Variants in TBCK observed in about 807,000 individuals in gnomAD.
TBCK encodes TBC domain-containing protein kinase-like protein.
Under a neutral mutation model 113.4 loss-of-function variants are expected in TBCK, and 99 were observed. That is an observed-to-expected ratio of 0.87 (90% CI 0.74 to 1.03). The LOEUF (loss-of-function observed/expected upper bound fraction) is 1.03. Ranked by LOEUF, TBCK falls within the 50% of genes least tolerant of loss-of-function variation. The pLI is 0.00. For synonymous variants in TBCK, 369 were observed against 370.8 expected (o/e 1.00, Z 0.05); for missense variants, 1,045 against 1,061.3 (o/e 0.98, Z 0.21).
chr4:106,179,195 C>CT (rs1391798926), intron 22 of TBCK, among the ~76,000 whole-genome samples: 1 of 151,988 alleles, frequency 6.6e-6, no homozygotes, highest in African/African-American at 2.4e-5. Context: ...CAAAAACCAA[C>CT]TTTTCCTTTT....
intron 20 of TBCK, among the ~76,000 whole-genome samples, chr4:106,204,554 T>C (rs1755234525): frequency 1.3e-5 from 2 of 152,174 alleles, no homozygotes. Flanking sequence ...AATGGTCATG[T>C]GAAGGAGTAA....
At chr4:106,159,155 A>G (rs188269562) in intron 23 of TBCK, among the ~76,000 whole-genome samples, 256 of 152,224 alleles carry the variant, frequency 1.7e-3, no homozygotes, top group Non-Finnish European at 3.1e-3. Context: ...CAACACAATA[A>G]AAGTCATATA....
rs2149434791 is a variant in TBCK, at chr4:106,042,709, A to C, written c.*3861T>G. On this transcript the variant is annotated 3_prime_UTR_variant, in exon 26 of 26. Transcript: ENST00000394708. ...TTTTGGTAACTATTTGGAGGAGGAA[A>C]GCACAGGAATCCAACAAAAATCTGG... is the stretch of plus-strand genomic sequence containing the variant. 6.6e-6 allele frequency: 1 copy of C among 152,322 alleles called. No individual in the cohort carries two copies. The highest frequency in any genetic ancestry group is 1.9e-4 in the East Asian group (1 of 5,188). 9.4% of individuals were successfully genotyped at this position (152,322 alleles called of 1,614,324 possible).
chr4:106,248,340 A>AT, intron 8 of TBCK, 34 bp from the exon 9 acceptor site: 1 of 1,400,658 alleles, frequency 7.1e-7, no homozygotes, highest in Non-Finnish European at 9.9e-7. Flanking sequence ...ATTAATTAAA[A>AT]TGATCAATTT....
intron 20 of TBCK, among the ~76,000 whole-genome samples, chr4:106,199,163 C>T (rs764070944): frequency 6.6e-6 from 1 of 152,152 alleles, no homozygotes; most frequent in African/African-American, 2.4e-5. Flanking sequence ...CACCTCACCA[C>T]TGAAACTGTT....
At chr4:106,107,122 C>G (rs1021050365) in intron 24 of TBCK, among the ~76,000 whole-genome samples, 1 of 152,158 alleles carries the variant, frequency 6.6e-6, no homozygotes, top group African/African-American at 2.4e-5. Context: ...TACAGGAGCA[C>G]CCAGATTCAT....
chr4:106,245,616 G>A (rs1760708889), intron 10 of TBCK, among the ~76,000 whole-genome samples: 1 of 152,148 alleles, frequency 6.6e-6, no homozygotes, highest in Non-Finnish European at 1.5e-5. Flanking sequence ...GGTATGCCAT[G>A]ACTGGCAGAT....
intron 12 of TBCK, among the ~76,000 whole-genome samples, chr4:106,239,226 C>T (rs971934372): frequency 2.6e-5 from 4 of 152,012 alleles, no homozygotes; most frequent in Admixed American, 1.3e-4. Context: ...CAACTCCAGC[C>T]CCTCTAGCTT....
chr4:106,266,128 CTT>C (rs1293835145), intron 3 of TBCK, among the ~76,000 whole-genome samples: 4 of 151,592 alleles, frequency 2.6e-5, no homozygotes, highest in African/African-American at 4.8e-5. Flanking sequence ...TTATTTGTAA[CTT>C]ATCAATAGTT....
At chr4:106,279,927 C>T (rs1335144048) in intron 3 of TBCK, among the ~76,000 whole-genome samples, 1 of 152,068 alleles carries the variant, frequency 6.6e-6, no homozygotes, top group Non-Finnish European at 1.5e-5. Context: ...ATACTGATTT[C>T]CTTTCTTTTG....
Position 106,140,685 on chromosome 4 carries a change from G to T in TBCK, c.2236-24307C>A, listed in dbSNP as rs575712745. Among the ~76,000 whole-genome samples the T allele has an allele frequency of 3.6e-5, 5 of 139,776 alleles. 1 individual carries two copies. Among genetic ancestry groups the T allele is most frequent in the Non-Finnish European group, 1.6e-5 (1 of 61,650 alleles). 91.7% of individuals were successfully genotyped at this position (139,776 alleles called of 152,430 possible). A position where few individuals can be genotyped will look rare whatever the true frequency, so the allele number is the denominator to read the frequency against. On this transcript the variant is annotated intron_variant, in intron 23 of 25. Coordinates refer to ENST00000394708, the MANE Select transcript of TBCK (RefSeq NM_001163435.3). ...TTTAACTTTGGCTGAAAAATTTTCA[G>T]TAAGGTTTCATTGTTTTTCAAGTCT...
chr4:106,169,280 A>G (rs962982596), intron 23 of TBCK, among the ~76,000 whole-genome samples: 1 of 152,026 alleles, frequency 6.6e-6, no homozygotes, highest in Non-Finnish European at 1.5e-5. Flanking sequence ...CAGTTGGAGG[A>G]CTGACACTTC....
At chr4:106,139,501 A>G (rs188191649) in intron 23 of TBCK, among the ~76,000 whole-genome samples, 1 of 141,788 alleles carries the variant, frequency 7.1e-6, no homozygotes, top group East Asian at 2.0e-4. Flanking sequence ...CTAATCTTTA[A>G]TCATTTATTT....
chr4:106,176,960 GTT>G (rs34118663), intron 22 of TBCK, among the ~76,000 whole-genome samples: 7 of 139,090 alleles, frequency 5.0e-5, no homozygotes, highest in South Asian at 2.3e-4. Flanking sequence ...ATTTTTAAGT[GTT>G]TTTTTTTTTT....
chr4:106,063,625 C>T lies in TBCK; in HGVS notation c.2572-16945G>A, dbSNP rs1000117120. ...TGACAGGGCTAAAGAGAGAAGGGTGCCACGGTCTGAATGTTTGTGTCTTCC... is the reference window on the plus strand; with the variant it reads ...TGACAGGGCTAAAGAGAGAAGGGTGTCACGGTCTGAATGTTTGTGTCTTCC... On this transcript the variant is annotated intron_variant, in intron 25 of 25. Coordinates refer to ENST00000394708, the MANE Select transcript of TBCK (RefSeq NM_001163435.3). Among the ~76,000 whole-genome samples the T allele has an allele frequency of 4.6e-5, 7 of 151,774 alleles. 1 individual carries two copies. The highest frequency in any genetic ancestry group is 1.7e-4 in the African/African-American group (7 of 41,326).
At chr4:106,273,615 G>A (rs993946571) in intron 3 of TBCK, among the ~76,000 whole-genome samples, 7 of 152,102 alleles carry the variant, frequency 4.6e-5, no homozygotes, top group African/African-American at 9.7e-5. Context: ...ATTCAATGTC[G>A]AGCGTTCTTA....
At chr4:106,197,684 A>G (rs1346336330) in intron 20 of TBCK, among the ~76,000 whole-genome samples, 1 of 151,960 alleles carries the variant, frequency 6.6e-6, no homozygotes, top group East Asian at 1.9e-4. Context: ...AATAAACCTT[A>G]AAAGCAAGCC....
intron 24 of TBCK, among the ~76,000 whole-genome samples, chr4:106,114,075 A>C (rs1743200930): frequency 6.6e-6 from 1 of 152,236 alleles, no homozygotes; most frequent in Admixed American, 6.5e-5. Flanking sequence ...TACTAATTCT[A>C]GGATGCAAAG....
At chr4:106,080,556 A>G (rs1738728982) in intron 25 of TBCK, among the ~76,000 whole-genome samples, 1 of 152,240 alleles carries the variant, frequency 6.6e-6, no homozygotes, top group African/African-American at 2.4e-5. Context: ...TAAGACCGAA[A>G]GCAATCAAAA....
Sources: gnomAD v4.1 joint callset for allele counts (sites outside exome capture counted in the v4.1 genomes callset) on GRCh38, gnomAD v4.1.1 for gene constraint, MANE v1.5 for transcripts, NCBI Gene and HGNC (gene_info 2026-07-23, HGNC 2026-07-21) for gene names.